The following FHIP1A variants were observed in gnomAD, a reference collection of about 807,000 sequenced individuals.
FHIP1A encodes the protein FHF complex subunit HOOK-interacting protein 1A.
FHIP1A carries 61 observed loss-of-function variants against 88.6 expected under a neutral mutation model. The ratio of observed to expected loss-of-function variants is 0.69; its 90% CI spans 0.56 to 0.85. The LOEUF (loss-of-function observed/expected upper bound fraction) is 0.85. FHIP1A is among the 40% of genes least tolerant of loss of function. FHIP1A has a pLI of 0.00. For missense variants in FHIP1A, 1,154 were observed against 1,273.5 expected (o/e 0.91, Z 1.43); for synonymous variants, 478 against 496.0 (o/e 0.96, Z 0.48).
intron 7 of FHIP1A, among the ~76,000 whole-genome samples, chr4:151,591,191 T>C (rs1466527080): frequency 2.6e-5 from 4 of 151,822 alleles, no homozygotes; most frequent in Non-Finnish European, 5.9e-5. Flanking sequence ...CCTTATGTGG[T>C]TGATGAAGAA....
At chr4:151,458,061 A>G (rs1047890419) in intron 2 of FHIP1A, among the ~76,000 whole-genome samples, 8 of 152,188 alleles carry the variant, frequency 5.3e-5, no homozygotes, top group African/African-American at 1.4e-4. Context: ...CACATGTGCT[A>G]TCTTATTCTG....
intron 1 of FHIP1A, among the ~76,000 whole-genome samples, chr4:151,433,173 A>G (rs1561492617): frequency 1.3e-5 from 2 of 152,074 alleles, no homozygotes; most frequent in African/African-American, 4.8e-5. Flanking sequence ...TGACACAGTC[A>G]CAGCCTTAGG....
At chr4:151,543,408 A>G (rs551140167) in intron 3 of FHIP1A, among the ~76,000 whole-genome samples, 2 of 152,316 alleles carry the variant, frequency 1.3e-5, no homozygotes, top group South Asian at 4.2e-4. Context: ...AGAAAAGCTA[A>G]AGCCTTCATT....
chr4:151,480,761 C>T (rs1474426544), intron 2 of FHIP1A, among the ~76,000 whole-genome samples: 1 of 151,940 alleles, frequency 6.6e-6, no homozygotes, highest in Non-Finnish European at 1.5e-5. Flanking sequence ...TTTCATACTC[C>T]ACTCTTCTCA....
In FHIP1A at chr4:151,665,635, G is replaced by C. The variant is rs74720073; in HGVS notation, c.*2881G>C. On this transcript the variant is annotated 3_prime_UTR_variant, in exon 14 of 14. Transcript: ENST00000435205. ...GAGAAGAGCAAATCCTGCACGATTC[G>C]GGGGAGTGAACATTGATCTAGGCGG... 3.1e-3 allele frequency among the ~76,000 whole-genome samples: 475 copies of C among 152,288 alleles called. 3 individuals carry two copies. The highest frequency in any genetic ancestry group is 0.011 in the African/African-American group (457 of 41,556).
intron 1 of FHIP1A, among the ~76,000 whole-genome samples, chr4:151,430,210 C>A (rs555187529): frequency 6.6e-6 from 1 of 152,260 alleles, no homozygotes; most frequent in African/African-American, 2.4e-5. Context: ...CTTCTTAAGT[C>A]ATTCACTTCA....
chr4:151,555,463 CTCT>C (rs370920289), intron 3 of FHIP1A, among the ~76,000 whole-genome samples: 310 of 152,200 alleles, frequency 2.0e-3, no homozygotes, highest in African/African-American at 7.1e-3. Flanking sequence ...TCTCCTCCTC[CTCT>C]TATTTTTTGA....
intron 2 of FHIP1A, among the ~76,000 whole-genome samples, chr4:151,470,131 G>A (rs1170839769): frequency 6.6e-6 from 1 of 152,198 alleles, no homozygotes; most frequent in South Asian, 2.1e-4. Context: ...ACAATGTGTG[G>A]TAGAGTAGTA....
At chr4:151,530,678 C>T (rs1334695039) in intron 3 of FHIP1A, among the ~76,000 whole-genome samples, 4 of 152,174 alleles carry the variant, frequency 2.6e-5, no homozygotes, top group Non-Finnish European at 5.9e-5. Flanking sequence ...TTCCTGCCTC[C>T]TCCCCTCTTT....
chr4:151,640,304 A>G (rs750624302), intron 9 of FHIP1A, among the ~76,000 whole-genome samples: 36 of 152,232 alleles, frequency 2.4e-4, no homozygotes, highest in Non-Finnish European at 4.1e-4. Context: ...CAGAATTGTC[A>G]GGAGAGTATC....
intron 3 of FHIP1A, among the ~76,000 whole-genome samples, chr4:151,535,361 G>C (rs1289769842): frequency 6.6e-6 from 1 of 152,178 alleles, no homozygotes; most frequent in East Asian, 1.9e-4. Flanking sequence ...CTGGGGACCA[G>C]TCTTTTTTCC....
At chr4:151,468,898 C>A (rs1269791266) in intron 2 of FHIP1A, among the ~76,000 whole-genome samples, 3 of 152,154 alleles carry the variant, frequency 2.0e-5, no homozygotes, top group Non-Finnish European at 4.4e-5. Context: ...CATTATGAAC[C>A]TGTTCCTGTT....
At chr4:151,642,942 AT>A (rs1380050316) in intron 9 of FHIP1A, among the ~76,000 whole-genome samples, 2 of 149,708 alleles carry the variant, frequency 1.3e-5, no homozygotes, top group African/African-American at 2.4e-5. Flanking sequence ...TTATATATAT[AT>A]TTTTCTTTTT....
rs1414569906 is a variant in FHIP1A at position 151,509,329 on chromosome 4, A to AT, written c.-123+26690dup. ...AGGCACCCGCCACCACACCTGGTTAATTTTTTTTTGTATTTTTAGTAGAGA... is the reference window on the plus strand; with the variant it reads ...AGGCACCCGCCACCACACCTGGTTAATTTTTTTTTTGTATTTTTAGTAGAGA... On this transcript the variant is annotated intron_variant, in intron 3 of 13. Transcript: ENST00000435205. Among the ~76,000 whole-genome samples the AT allele has an allele frequency of 7.3e-5, 11 of 150,954 alleles. No individual in the cohort carries two copies. The South Asian group carries it at 1.3e-3, about 17-fold the overall frequency.
chr4:151,523,095 C>T (rs996696016), intron 3 of FHIP1A, among the ~76,000 whole-genome samples: 1 of 152,124 alleles, frequency 6.6e-6, no homozygotes, highest in African/African-American at 2.4e-5. Context: ...TATGGTAATA[C>T]ATTTGGTTAG....
At chr4:151,452,506 A>G (rs1728823352) in intron 1 of FHIP1A, among the ~76,000 whole-genome samples, 1 of 152,202 alleles carries the variant, frequency 6.6e-6, no homozygotes, top group Non-Finnish European at 1.5e-5. Flanking sequence ...TGGGCGGATC[A>G]GTTGAGGCCA....
chr4:151,646,260 C>T (rs548234239), intron 9 of FHIP1A, among the ~76,000 whole-genome samples: 1 of 152,156 alleles, frequency 6.6e-6, no homozygotes, highest in Middle Eastern at 3.4e-3. Flanking sequence ...AAAGCACAGG[C>T]CAGGTAAAGG....
At chr4:151,650,837 C>T (rs188462018) in intron 11 of FHIP1A, among the ~76,000 whole-genome samples, 1 of 152,306 alleles carries the variant, frequency 6.6e-6, no homozygotes, top group Admixed American at 6.5e-5. Flanking sequence ...TTTGATATGT[C>T]AGTGTTAAAA....
At chr4:151,507,055 A>G (rs982881545) in intron 3 of FHIP1A, among the ~76,000 whole-genome samples, 5 of 152,184 alleles carry the variant, frequency 3.3e-5, no homozygotes, top group Non-Finnish European at 7.3e-5. Context: ...TTTCCTACCC[A>G]GAATGGCACT....
Sources: gnomAD v4.1 joint callset for allele counts (sites outside exome capture counted in the v4.1 genomes callset) on GRCh38, gnomAD v4.1.1 for gene constraint, MANE v1.5 for transcripts, NCBI Gene and HGNC (gene_info 2026-07-23, HGNC 2026-07-21) for gene names.